NUBPL: variants seen among roughly 807,000 people sequenced by gnomAD.
NUBPL encodes NUBP iron-sulfur cluster assembly factor, mitochondrial.
In NUBPL, 31 loss-of-function variants were observed where a neutral mutation model predicts 45.7. The observed-to-expected ratio is 0.68, with a 90% confidence interval of 0.51 to 0.92. The LOEUF (loss-of-function observed/expected upper bound fraction) is 0.92, where lower values mean the gene tolerates loss of function less well. Among genes scored for constraint, NUBPL ranks in the 40% least tolerant of loss-of-function variants. The probability of loss-of-function intolerance (pLI) is 0.00; values close to 1 mark genes in which losing one functional copy is unlikely to be tolerated. For missense variants in NUBPL, 401 were observed against 398.7 expected (o/e 1.01, Z -0.05); for synonymous variants, 144 against 140.9 (o/e 1.02, Z -0.15).
intron 6 of NUBPL, among the ~76,000 whole-genome samples, chr14:31,675,942 A>C (rs964295851): frequency 6.6e-6 from 1 of 152,070 alleles, no homozygotes; most frequent in South Asian, 2.1e-4. Context: ...TCCCATACCC[A>C]TAGACAATCA....
chr14:31,822,489 T>C (rs2040033960), intron 7 of NUBPL, among the ~76,000 whole-genome samples: 1 of 152,142 alleles, frequency 6.6e-6, no homozygotes, highest in African/African-American at 2.4e-5. Flanking sequence ...TATACGAAAC[T>C]TATATACTAT....
intron 6 of NUBPL, among the ~76,000 whole-genome samples, chr14:31,701,125 T>TATCTAGCTA (rs71115026): frequency 0.43 from 65,250 of 150,978 alleles, 16,839 homozygotes; most frequent in East Asian, 0.59. Context: ...CAGCACTCTG[T>TATCTAGCTA]ATCTAGCTAA....
Position 31,673,551 on chromosome 14 carries a change from G to A in NUBPL, c.490G>A (p.Ala164Thr). 3.7e-6 allele frequency: 6 copies of A among 1,613,810 alleles called. No individual in the cohort carries two copies. Among genetic ancestry groups the A allele is most frequent in the Non-Finnish European group, 5.1e-6 (6 of 1,179,834 alleles). ...TTGGAGAGGCCTTATGGTAATGTCG[G>A]CCATTGAGAAATTGTTGAGGCAGGT... ...VVWRGLMVMS[A>T]IEKLLRQVDW... The change falls in exon 6 of 11, where the codon GCC (alanine) becomes ACC (threonine). Residue 164 changes from alanine to threonine, a missense_variant. Transcript: ENST00000281081.
chr14:31,701,369 T>C (rs2037334361), intron 6 of NUBPL, among the ~76,000 whole-genome samples: 1 of 152,120 alleles, frequency 6.6e-6, no homozygotes, highest in Non-Finnish European at 1.5e-5. Flanking sequence ...CCTGTCAAAA[T>C]GGACCAATCA....
chr14:31,618,461 T>C (rs1216340928), intron 4 of NUBPL, among the ~76,000 whole-genome samples: 1 of 152,240 alleles, frequency 6.6e-6, no homozygotes, highest in Admixed American at 6.5e-5. Flanking sequence ...TCCCAGAGAT[T>C]CTGGTATGTT....
intron 7 of NUBPL, among the ~76,000 whole-genome samples, chr14:31,820,687 G>C (rs1265843394): frequency 6.6e-6 from 1 of 151,942 alleles, no homozygotes; most frequent in Non-Finnish European, 1.5e-5. Context: ...AGCTGGGCAT[G>C]GTGGTGGGCG....
Position 31,803,112 on chromosome 14 carries a change from A to G in NUBPL, c.607+15239A>G, listed in dbSNP as rs2039623621. 2.0e-5 allele frequency among the ~76,000 whole-genome samples: 3 copies of G among 152,148 alleles called. No individual in the cohort carries two copies. In the South Asian group the frequency reaches 6.2e-4, roughly 32 times the overall value. ...TGTCAGTTTGGACAATGGTTTCTGT[A>G]ATGAAGAAACCTATTGGGGATTGGA... On this transcript the variant is annotated intron_variant, in intron 7 of 10. Transcript: ENST00000281081.
chr14:31,744,210 T>G (rs1281626460), intron 6 of NUBPL, among the ~76,000 whole-genome samples: 2 of 152,224 alleles, frequency 1.3e-5, no homozygotes, highest in African/African-American at 4.8e-5. Context: ...CTCAGCCTTA[T>G]GTCGTAGACA....
At chr14:31,789,394 G>T (rs2039340025) in intron 7 of NUBPL, among the ~76,000 whole-genome samples, 1 of 151,888 alleles carries the variant, frequency 6.6e-6, no homozygotes, top group African/African-American at 2.4e-5. Flanking sequence ...ATACAACTAT[G>T]GGAGAATTTT....
intron 6 of NUBPL, among the ~76,000 whole-genome samples, chr14:31,676,354 T>A (rs2139819448): frequency 6.6e-6 from 1 of 152,302 alleles, no homozygotes; most frequent in Non-Finnish European, 1.5e-5. Flanking sequence ...ATGGTTTCAC[T>A]TAGCCTAAGG....
Position 31,608,379 on chromosome 14 carries a change from C to A in NUBPL, c.382+9000C>A, listed in dbSNP as rs552538525. On this transcript the variant is annotated intron_variant, in intron 4 of 10. Transcript: ENST00000281081. ...GGCCAGCCTGGCCAGCATGGTGAAACCCTGTCTCTACTAAACATACAAAAA... is the reference window on the plus strand; with the variant it reads ...GGCCAGCCTGGCCAGCATGGTGAAAACCTGTCTCTACTAAACATACAAAAA... 1.1e-4 allele frequency among the ~76,000 whole-genome samples: 16 copies of A among 152,186 alleles called. No individual in the cohort carries two copies. The East Asian group carries it at 1.9e-3, about 18-fold the overall frequency.
rs771183085 is a variant in NUBPL at position 31,673,552 on chromosome 14, C to T, written c.491C>T (p.Ala164Val). ...VVWRGLMVMS[A>V]IEKLLRQVDW... ...TGGAGAGGCCTTATGGTAATGTCGG[C>T]CATTGAGAAATTGTTGAGGCAGGTA... The change falls in exon 6 of 11, where the codon GCC (alanine) becomes GTC (valine). Residue 164 changes from alanine to valine, a missense_variant. By Grantham distance (64) the Ala-to-Val change is moderately conservative. Coordinates refer to ENST00000281081, the MANE Select transcript of NUBPL (RefSeq NM_025152.3). 3 of 1,613,678 alleles carry T rather than the reference C, an allele frequency of 1.9e-6. No homozygotes were observed. The highest frequency in any genetic ancestry group is 1.7e-6 in the Non-Finnish European group (2 of 1,179,806).
At chr14:31,637,114 T>G (rs1466651720) in intron 4 of NUBPL, among the ~76,000 whole-genome samples, 1 of 152,218 alleles carries the variant, frequency 6.6e-6, no homozygotes, top group Non-Finnish European at 1.5e-5. Context: ...TTTTAGTTAT[T>G]TCTTGCCTTC....
intron 6 of NUBPL, among the ~76,000 whole-genome samples, chr14:31,718,823 T>G (rs1250785419): frequency 1.3e-5 from 2 of 152,204 alleles, no homozygotes; most frequent in African/African-American, 2.4e-5. Flanking sequence ...CTGAGCTGCT[T>G]CTTCAGCACG....
Position 31,668,522 on chromosome 14 carries a change from C to T in NUBPL, c.383-4833C>T, listed in dbSNP as rs555031867. On this transcript the variant is annotated intron_variant, in intron 4 of 10. Coordinates refer to ENST00000281081, the MANE Select transcript of NUBPL (RefSeq NM_025152.3). Reference sequence around the variant, plus strand: ...CTGTAGGGGTGGGACTCACTAAGACCACTTGGCTCCCTGGGTTCAGCCCCT... The same window carrying T: ...CTGTAGGGGTGGGACTCACTAAGACTACTTGGCTCCCTGGGTTCAGCCCCT... Among the ~76,000 whole-genome samples, 11 of 152,314 alleles carry T rather than the reference C, an allele frequency of 7.2e-5. No individual in the cohort carries two copies. In the East Asian group the frequency reaches 1.4e-3, roughly 19 times the overall value.
intron 4 of NUBPL, among the ~76,000 whole-genome samples, chr14:31,603,299 G>GAAAAAAAAAAAA (rs529470069): frequency 3.5e-5 from 2 of 57,068 alleles, no homozygotes; most frequent in African/African-American, 6.2e-5. Flanking sequence ...GATCCTGTCT[G>GAAAAAAAAAAAA]AAAAAAAAAA....
At chr14:31,621,806 C>T (rs575557984) in intron 4 of NUBPL, among the ~76,000 whole-genome samples, 8 of 152,228 alleles carry the variant, frequency 5.3e-5, no homozygotes, top group East Asian at 3.9e-4. Context: ...TCTTTATAGA[C>T]GTGTGAAAAT....
chr14:31,828,936 T>C lies in NUBPL; in HGVS notation c.693+2222T>C, dbSNP rs77902597. 5.1e-3 allele frequency among the ~76,000 whole-genome samples: 778 copies of C among 152,294 alleles called. 10 individuals are homozygous for C. The highest frequency in any genetic ancestry group is 0.018 in the African/African-American group (732 of 41,560). On this transcript the variant is annotated intron_variant, in intron 8 of 10. Coordinates refer to ENST00000281081, the MANE Select transcript of NUBPL (RefSeq NM_025152.3). ...TTGTTAGGTGAATGCCACTGAAGGA[T>C]AGACGTTAAGGATATTAGCAAGGAA...
At chr14:31,785,697 T>G (rs554347165) in intron 6 of NUBPL, among the ~76,000 whole-genome samples, 24 of 152,304 alleles carry the variant, frequency 1.6e-4, no homozygotes, top group Middle Eastern at 6.8e-3. Context: ...CTTCACTAAA[T>G]TGTCAGTTCC....
Sources: gnomAD v4.1 joint callset for allele counts (sites outside exome capture counted in the v4.1 genomes callset) on GRCh38, gnomAD v4.1.1 for gene constraint, MANE v1.5 for transcripts, NCBI Gene and HGNC (gene_info 2026-07-23, HGNC 2026-07-21) for gene names.